The following C17orf99 variants were observed in gnomAD, a reference collection of about 807,000 sequenced individuals.
The protein encoded by C17orf99 is protein IL-40.
A neutral mutation model predicts 22.6 loss-of-function variants in C17orf99; 18 were observed. The observed-to-expected ratio is 0.80, with a 90% confidence interval of 0.55 to 1.18. C17orf99 has a LOEUF of 1.18. Among genes scored for constraint, C17orf99 ranks in the 50% most tolerant of loss-of-function variants. The pLI is 0.00. For missense variants in C17orf99, 328 were observed against 342.7 expected, an observed-to-expected ratio of 0.96 and a Z score of 0.34; for synonymous variants, 147 against 136.6, an observed-to-expected ratio of 1.08 and a Z score of -0.53.
At chr17:78,165,448 G>C in intron 4 of C17orf99, 3 of 985,484 alleles carry the variant, frequency 3.0e-6, no homozygotes, top group Non-Finnish European at 3.6e-6. Context: ...CCTTCATTTA[G>C]TGGGGTGAGT....
chr17:78,145,813 T>TG (rs1567814671), upstream of C17orf99, among the ~76,000 whole-genome samples: 5 of 144,852 alleles, frequency 3.5e-5, no homozygotes, highest in Admixed American at 1.4e-4. Context: ...TTTTTTTTTT[T>TG]GAGATGGAAT....
At chr17:78,160,017 T>G (rs548454150) in intron 2 of C17orf99, 1 of 450,946 alleles carries the variant, frequency 2.2e-6, no homozygotes, top group South Asian at 1.6e-5. Flanking sequence ...TGAATCACGC[T>G]GCCATGAGCG....
At chr17:78,163,390 A>G (rs57911863) in intron 3 of C17orf99, among the ~76,000 whole-genome samples, 1 of 152,242 alleles carries the variant, frequency 6.6e-6, no homozygotes, top group African/African-American at 2.4e-5. Context: ...AATCTTCTAC[A>G]TGACAGTTTT....
At chr17:78,160,693 C>T in intron 2 of C17orf99, 1 of 479,528 alleles carries the variant, frequency 2.1e-6, no homozygotes, top group Non-Finnish European at 3.8e-6. Flanking sequence ...AAGAGATTCT[C>T]CTGCCTTAGC....
At chr17:78,159,983 G>A (rs1304360432) in intron 2 of C17orf99, 8 of 443,288 alleles carry the variant, frequency 1.8e-5, no homozygotes, top group Middle Eastern at 3.3e-4. Context: ...AGATATTTGG[G>A]CCGTTTCCAC....
chr17:78,153,288 A>C (rs1675776362), intron 2 of C17orf99, among the ~76,000 whole-genome samples: 1 of 152,114 alleles, frequency 6.6e-6, no homozygotes, highest in South Asian at 2.1e-4. Flanking sequence ...GTTCAAGACC[A>C]GCCTGGCCAA....
intron 2 of C17orf99, chr17:78,158,196 C>A (rs1598948435): frequency 2.8e-6 from 2 of 706,076 alleles, no homozygotes; most frequent in East Asian, 7.2e-5. Flanking sequence ...GCAATCAAGG[C>A]TCCCAGGGTG....
At chr17:78,161,616 G>T (rs1035766322) in intron 3 of C17orf99, among the ~76,000 whole-genome samples, 2 of 152,132 alleles carry the variant, frequency 1.3e-5, no homozygotes, top group African/African-American at 4.8e-5. Context: ...GGCCGAGACA[G>T]GCTGATCGCT....
intron 3 of C17orf99, 84 bp downstream of exon 3, chr17:78,161,338 T>C: frequency 8.0e-7 from 1 of 1,243,634 alleles, no homozygotes; most frequent in Non-Finnish European, 1.1e-6. Flanking sequence ...ATTGTGAACC[T>C]TGCTGGGGTT....
intron 2 of C17orf99, among the ~76,000 whole-genome samples, chr17:78,148,302 C>G (rs965624596): frequency 6.6e-6 from 1 of 151,942 alleles, no homozygotes; most frequent in Admixed American, 6.6e-5. Context: ...CACCCAGCCT[C>G]CTGAGTAGCT....
chr17:78,153,487 A>G (rs1363215164), intron 2 of C17orf99, among the ~76,000 whole-genome samples: 1 of 130,738 alleles, frequency 7.6e-6, no homozygotes, highest in Non-Finnish European at 1.5e-5. Flanking sequence ...TCCGTCTCAA[A>G]AAAAGAAAAA....
In C17orf99 at chr17:78,160,017, T is replaced by A. The variant is rs548454150; in HGVS notation, c.71-938T>A. On this transcript the variant is annotated intron_variant, in intron 2 of 4. Transcript: ENST00000340363. ...ACCATTTGGCTGTGGTGAATCACGC[T>A]GCCATGAGCGTGTGTGTACAGGTAT... 111 of 450,946 alleles carry A rather than the reference T, an allele frequency of 2.5e-4. 1 individual carries two copies. Among genetic ancestry groups the A allele is most frequent in the South Asian group, 1.7e-3 (109 of 63,252 alleles). 27.9% of individuals were successfully genotyped at this position (450,946 alleles called of 1,614,324 possible). A position where few individuals can be genotyped will look rare whatever the true frequency, so the allele number is the denominator to read the frequency against.
intron 2 of C17orf99, among the ~76,000 whole-genome samples, chr17:78,149,331 CAAAAAAAAA>C (rs35155993): frequency 1.5e-4 from 6 of 41,018 alleles, no homozygotes; most frequent in South Asian, 1.2e-3. Context: ...GACTCTGCCT[CAAAAAAAAA>C]AAAAAAAAAA....
At chr17:78,156,702 C>T (rs551540675) in intron 2 of C17orf99, among the ~76,000 whole-genome samples, 3 of 152,292 alleles carry the variant, frequency 2.0e-5, no homozygotes, top group African/African-American at 4.8e-5. Context: ...CTTCAGTCTC[C>T]CAAGCTCAAG....
intron 2 of C17orf99, among the ~76,000 whole-genome samples, chr17:78,148,513 C>CA (rs569889603): frequency 2.4e-4 from 36 of 151,768 alleles, no homozygotes; most frequent in African/African-American, 8.5e-4. Context: ...GGTGGCAGAG[C>CA]AAAAAAAGCA....
chr17:78,146,819 C>G lies in C17orf99; in HGVS notation c.38-60C>G. 6.6e-7 allele frequency: 1 copy of G among 1,508,014 alleles called. No individual in the cohort carries two copies. Among genetic ancestry groups the G allele is most frequent in the South Asian group, 1.2e-5 (1 of 83,120 alleles). 93.4% of individuals were successfully genotyped at this position (1,508,014 alleles called of 1,614,324 possible). On this transcript the variant is annotated intron_variant, in intron 1 of 4. Transcript: ENST00000340363. This position sits in a 1 kb window ranked among gnomAD's most constrained non-coding sequence, Gnocchi z 5.2. The stretch of plus-strand genomic sequence containing the variant: ...TGGCTTCAGCAGGTGGGTCTCGAGG[C>G]TGTCTCTGGTCTCCCCTCCACACCA...
intron 2 of C17orf99, among the ~76,000 whole-genome samples, chr17:78,149,070 G>A (rs1040015915): frequency 2.6e-5 from 4 of 152,042 alleles, no homozygotes; most frequent in African/African-American, 4.8e-5. Flanking sequence ...AGCTGCTCAC[G>A]CCTGGAATCC....
chr17:78,161,139 C>T lies in C17orf99; in HGVS notation c.255C>T (p.Leu85=). ...CCCACGAGCCGGCCTCCTTCAACCT[C>T]AACGTCACACTCAAGTCCAGTCCAG... The part of the protein sequence containing the change: ...VKTHEPASFN[L]NVTLKSSPDL... Residue 85 remains leucine, a synonymous_variant, in exon 3 of 5, where the codon CTC becomes CTT. Coordinates refer to ENST00000340363, the MANE Select transcript of C17orf99 (RefSeq NM_001163075.2). 6.4e-7 allele frequency: 1 copy of T among 1,551,848 alleles called. No homozygotes were observed. Among genetic ancestry groups the T allele is most frequent in the Non-Finnish European group, 8.7e-7 (1 of 1,147,016 alleles).
chr17:78,155,124 ATT>A (rs771330920), intron 2 of C17orf99, among the ~76,000 whole-genome samples: 46 of 104,586 alleles, frequency 4.4e-4, no homozygotes, highest in African/African-American at 1.0e-3. Context: ...AGCAACCCCT[ATT>A]TTTTTTTTTT....
Sources: allele counts gnomAD v4.1 joint callset (sites outside exome capture counted in the v4.1 genomes callset), GRCh38; gene constraint gnomAD v4.1.1; non-coding constraint Gnocchi (gnomAD v3.1); transcripts MANE v1.5; gene names NCBI Gene and HGNC (gene_info 2026-07-23, HGNC 2026-07-21).